The following PRKCE variants were observed in gnomAD, a reference collection of about 807,000 sequenced individuals.
PRKCE encodes the protein protein kinase C epsilon.
A neutral mutation model predicts 85.4 loss-of-function variants in PRKCE; 16 were observed. The ratio of observed to expected loss-of-function variants is 0.19; its 90% CI spans 0.13 to 0.28. The LOEUF (loss-of-function observed/expected upper bound fraction) is 0.28. Ranked by LOEUF, PRKCE falls within the 10% of genes least tolerant of loss-of-function variation. PRKCE has a pLI of 1.00. For synonymous variants in PRKCE, 388 were observed against 371.5 expected (o/e 1.04, Z -0.51); for missense variants, 573 against 975.2 (o/e 0.59, Z 5.49).
At position 45,694,064 on chromosome 2, in the gene PRKCE, G is replaced by A. The variant is rs145732711; in HGVS notation, c.348+41616G>A. Among the ~76,000 whole-genome samples, 49 of 151,776 alleles carry A rather than the reference G, an allele frequency of 3.2e-4. No homozygotes were observed. In the East Asian group the frequency reaches 8.7e-3, roughly 27 times the overall value. ...TTTTTGACCCGTGGACACAGATTTTGTGGTTATTTATTTCTGCTGTATCCT... is the reference window on the plus strand; with the variant it reads ...TTTTTGACCCGTGGACACAGATTTTATGGTTATTTATTTCTGCTGTATCCT... On this transcript the variant is annotated intron_variant, in intron 1 of 14. Coordinates refer to ENST00000306156, the MANE Select transcript of PRKCE (RefSeq NM_005400.3).
intron 13 of PRKCE, 117 bp downstream of exon 13, chr2:46,151,346 C>A: frequency 9.1e-7 from 1 of 1,098,762 alleles, no homozygotes; most frequent in East Asian, 2.6e-5. Flanking sequence ...TTTCTCTGTC[C>A]AGCTTTCTCC....
At chr2:46,062,220 G>A (rs1363399149) in intron 10 of PRKCE, among the ~76,000 whole-genome samples, 1 of 152,184 alleles carries the variant, frequency 6.6e-6, no homozygotes, top group East Asian at 1.9e-4. Flanking sequence ...TGTGTCAGAT[G>A]CTGGGGGCAT....
chr2:46,050,488 T>C (rs1039503145), intron 10 of PRKCE, among the ~76,000 whole-genome samples: 3 of 152,242 alleles, frequency 2.0e-5, no homozygotes, highest in Admixed American at 6.5e-5. Context: ...ATTTCTAGTC[T>C]TTTGGCTTCC....
intron 8 of PRKCE, among the ~76,000 whole-genome samples, chr2:46,007,229 G>A (rs556434161): frequency 6.6e-6 from 1 of 152,338 alleles, no homozygotes; most frequent in Non-Finnish European, 1.5e-5. Context: ...CAAGGGCAGG[G>A]AAGGGACTGT....
chr2:45,662,620 C>T (rs986463968), intron 1 of PRKCE, among the ~76,000 whole-genome samples: 2 of 151,686 alleles, frequency 1.3e-5, no homozygotes, highest in Admixed American at 6.6e-5. Context: ...ACCTTCGCAC[C>T]TGATAATAGT....
intron 2 of PRKCE, among the ~76,000 whole-genome samples, chr2:45,884,974 TATATATATATATATATATATATA>T (rs1558792896): frequency 6.3e-5 from 4 of 63,154 alleles, no homozygotes; most frequent in Non-Finnish European, 7.1e-5. Flanking sequence ...TATATATATA[TATATATATATATATATATATATA>T]TATATTTGTT....
At chr2:45,733,278 C>T (rs535873606) in intron 1 of PRKCE, among the ~76,000 whole-genome samples, 8 of 152,142 alleles carry the variant, frequency 5.3e-5, no homozygotes, top group Non-Finnish European at 1.2e-4. Flanking sequence ...AACTGCTCAA[C>T]AAATATTAGC....
At chr2:46,054,591 C>T (rs1016193664) in intron 10 of PRKCE, among the ~76,000 whole-genome samples, 2 of 152,200 alleles carry the variant, frequency 1.3e-5, no homozygotes, top group African/African-American at 4.8e-5. Context: ...CAACCATACA[C>T]ACAGAATCTC....
chr2:46,103,790 C>T (rs1306840466), intron 11 of PRKCE, among the ~76,000 whole-genome samples: 1 of 151,906 alleles, frequency 6.6e-6, no homozygotes, highest in African/African-American at 2.4e-5. Context: ...ATTTATAATT[C>T]ATTAAGTGGA....
At chr2:45,966,382 C>T (rs1022028526) in intron 2 of PRKCE, among the ~76,000 whole-genome samples, 1 of 152,110 alleles carries the variant, frequency 6.6e-6, no homozygotes, top group African/African-American at 2.4e-5. Context: ...GGGATACTGT[C>T]GTGTGTGTCA....
chr2:45,962,165 A>G (rs981488312), intron 2 of PRKCE, among the ~76,000 whole-genome samples: 3 of 152,014 alleles, frequency 2.0e-5, no homozygotes, highest in African/African-American at 7.3e-5. Context: ...TAAAGACACA[A>G]CTCTTGGGCT....
At chr2:45,867,743 G>A (rs1693722651) in intron 2 of PRKCE, among the ~76,000 whole-genome samples, 1 of 152,172 alleles carries the variant, frequency 6.6e-6, no homozygotes, top group Non-Finnish European at 1.5e-5. Flanking sequence ...GTGTGTGTGT[G>A]CACGTGTGTG....
intron 11 of PRKCE, among the ~76,000 whole-genome samples, chr2:46,104,466 C>T (rs747905262): frequency 1.3e-5 from 2 of 152,012 alleles, no homozygotes; most frequent in Admixed American, 6.6e-5. Flanking sequence ...AGGATGGCAT[C>T]TTCAGTGATG....
At chr2:45,871,882 T>G (rs1419091394) in intron 2 of PRKCE, among the ~76,000 whole-genome samples, 1 of 152,036 alleles carries the variant, frequency 6.6e-6, no homozygotes, top group Non-Finnish European at 1.5e-5. Context: ...GATGACGAAG[T>G]GGAGAAAGGA....
intron 2 of PRKCE, among the ~76,000 whole-genome samples, chr2:45,938,895 G>T (rs767791819): frequency 6.6e-6 from 1 of 152,112 alleles, no homozygotes; most frequent in Non-Finnish European, 1.5e-5. Flanking sequence ...GTTACACATG[G>T]TGGGCACCTC....
chr2:45,887,448 A>G (rs982319541), intron 2 of PRKCE, among the ~76,000 whole-genome samples: 1 of 152,114 alleles, frequency 6.6e-6, no homozygotes, highest in East Asian at 1.9e-4. Context: ...AAGGAATTAA[A>G]TGGCTTATAG....
chr2:46,184,189 A>C lies in PRKCE; in HGVS notation c.2068-546A>C, dbSNP rs1558538888. ...CATTGCAAGTCAATGTGCTGAGTTT[A>C]ATAATTGAAAAAATACTGGAGCACA... On this transcript the variant is annotated intron_variant, in intron 14 of 14. Coordinates refer to ENST00000306156, the MANE Select transcript of PRKCE (RefSeq NM_005400.3). This position sits in a 1 kb window ranked among gnomAD's most constrained non-coding sequence, Gnocchi z 5.0. 6.6e-6 allele frequency among the ~76,000 whole-genome samples: 1 copy of C among 152,220 alleles called. No homozygotes were observed. Among genetic ancestry groups the C allele is most frequent in the Non-Finnish European group, 1.5e-5 (1 of 68,034 alleles).
chr2:45,943,577 G>A (rs779947940), intron 2 of PRKCE, among the ~76,000 whole-genome samples: 1 of 152,222 alleles, frequency 6.6e-6, no homozygotes, highest in Non-Finnish European at 1.5e-5. Context: ...CCAGAAACAT[G>A]CCAGAATTCC....
At chr2:45,880,315 C>T (rs967605950) in intron 2 of PRKCE, among the ~76,000 whole-genome samples, 1 of 152,202 alleles carries the variant, frequency 6.6e-6, no homozygotes, top group Non-Finnish European at 1.5e-5. Flanking sequence ...GTGTCTACTG[C>T]TGCAGTAAAC....
Sources: allele counts gnomAD v4.1 joint callset (sites outside exome capture counted in the v4.1 genomes callset), GRCh38; gene constraint gnomAD v4.1.1; non-coding constraint Gnocchi (gnomAD v3.1); transcripts MANE v1.5; gene names NCBI Gene and HGNC (gene_info 2026-07-23, HGNC 2026-07-21).